Variants in MYO10 observed in about 807,000 individuals in gnomAD.
MYO10 encodes unconventional myosin-X.
MYO10 carries 133 observed loss-of-function variants against 257.3 expected under a neutral mutation model. The ratio of observed to expected loss-of-function variants is 0.52; its 90% confidence interval spans 0.45 to 0.60. The LOEUF is 0.60. MYO10 is among the 20% of genes least tolerant of loss of function. The pLI, the probability that MYO10 is intolerant of heterozygous loss-of-function variation, is 0.00. For missense variants in MYO10, 2,399 were observed against 2,635.7 expected, an observed-to-expected ratio of 0.91 and a Z score of 1.97; for synonymous variants, 1,104 against 1,028.6, an observed-to-expected ratio of 1.07 and a Z score of -1.40.
chr5:16,694,289 G>GGAACTTGCACAGCATGGCTCTATGACCA, intron 27 of MYO10, 82 bp downstream of exon 27: 5 of 1,582,024 alleles, frequency 3.2e-6, no homozygotes, highest in Admixed American at 1.7e-5. Context: ...GCCGCTGCAA[G>GGAACTTGCACAGCATGGCTCTATGACCA]GAACTTGCAC....
chr5:16,770,396 A>G (rs550471816), intron 9 of MYO10, among the ~76,000 whole-genome samples: 1 of 152,304 alleles, frequency 6.6e-6, no homozygotes, highest in East Asian at 1.9e-4. Flanking sequence ...AGTTAACATA[A>G]TGCTGTTTGA....
At chr5:16,728,646 G>A (rs897925394) in intron 19 of MYO10, among the ~76,000 whole-genome samples, 2 of 152,122 alleles carry the variant, frequency 1.3e-5, no homozygotes, top group African/African-American at 4.8e-5. Flanking sequence ...ATATCCAAGA[G>A]CCAGTGGGCA....
chr5:16,879,345 G>C (rs1196534423), intron 1 of MYO10, among the ~76,000 whole-genome samples: 1 of 152,148 alleles, frequency 6.6e-6, no homozygotes, highest in Non-Finnish European at 1.5e-5. Flanking sequence ...AGGTAGTACT[G>C]CTCTTTAAAC....
At chr5:16,768,511 A>AT (rs892366374) in intron 10 of MYO10, among the ~76,000 whole-genome samples, 1 of 151,910 alleles carries the variant, frequency 6.6e-6, no homozygotes, top group African/African-American at 2.4e-5. Context: ...TACTTGACTC[A>AT]TTTTCCTTCT....
intron 21 of MYO10, among the ~76,000 whole-genome samples, chr5:16,705,716 G>C (rs1022640124): frequency 1.3e-5 from 2 of 151,982 alleles, no homozygotes; most frequent in Non-Finnish European, 2.9e-5. Context: ...TCTGCTCTGT[G>C]TCCTCCATGA....
intron 1 of MYO10, among the ~76,000 whole-genome samples, chr5:16,893,694 T>C (rs558526923): frequency 5.9e-4 from 90 of 151,408 alleles, no homozygotes; most frequent in Non-Finnish European, 6.3e-4. Flanking sequence ...TTTTCATTTC[T>C]CTCCATATTA....
intron 9 of MYO10, among the ~76,000 whole-genome samples, chr5:16,779,074 C>T (rs552741223): frequency 1.3e-5 from 2 of 152,306 alleles, no homozygotes; most frequent in Admixed American, 1.3e-4. Context: ...TGTGACAAGA[C>T]CCCAGGTTTT....
At chr5:16,842,390 T>C (rs554801276) in intron 2 of MYO10, among the ~76,000 whole-genome samples, 51 of 152,224 alleles carry the variant, frequency 3.4e-4, no homozygotes, top group Non-Finnish European at 6.0e-4. Context: ...CTTTAGAAGA[T>C]GCTGCAATCA....
At chr5:16,895,802 ACT>A (rs1199210885) in intron 1 of MYO10, among the ~76,000 whole-genome samples, 4 of 126,404 alleles carry the variant, frequency 3.2e-5, no homozygotes, top group East Asian at 4.4e-4. Flanking sequence ...ACACACACAC[ACT>A]CTGCCACCTG....
At chr5:16,769,305 G>A in intron 9 of MYO10, 102 bp from the exon 10 acceptor site, 2 of 1,274,644 alleles carry the variant, frequency 1.6e-6, no homozygotes, top group Admixed American at 6.5e-5. Flanking sequence ...TATTGAAAAG[G>A]CAAAGAAACA....
At position 16,864,904 on chromosome 5, in the gene MYO10, T is replaced by C. The variant is rs562438829; in HGVS notation, c.120+12705A>G. ...GCTGGACAAGTTGCATTTTCCTTGG[T>C]CTTGAAAGCAAGAATGAAAGTCCCA... On this transcript the variant is annotated intron_variant, in intron 2 of 40. Transcript: ENST00000513610. 3.3e-5 allele frequency among the ~76,000 whole-genome samples: 5 copies of C among 152,270 alleles called. No individual in the cohort carries two copies. The South Asian group carries it at 1.0e-3, about 32-fold the overall frequency.
chr5:16,750,210 G>A (rs1389492574), intron 19 of MYO10, among the ~76,000 whole-genome samples: 1 of 152,138 alleles, frequency 6.6e-6, no homozygotes, highest in Admixed American at 6.5e-5. Flanking sequence ...GGCTTTTCTA[G>A]GTGCTTCCTC....
chr5:16,804,614 T>C (rs537453762), intron 3 of MYO10, among the ~76,000 whole-genome samples: 1 of 152,312 alleles, frequency 6.6e-6, no homozygotes, highest in Non-Finnish European at 1.5e-5. Flanking sequence ...GGCTCCGGCC[T>C]GTAATCCCAG....
At chr5:16,828,659 T>C (rs1043004535) in intron 2 of MYO10, among the ~76,000 whole-genome samples, 3 of 150,694 alleles carry the variant, frequency 2.0e-5, no homozygotes, top group Non-Finnish European at 4.4e-5. Context: ...CCAGTGACCC[T>C]TCAAAGGAGA....
At chr5:16,908,376 A>C (rs1159480356) in intron 1 of MYO10, among the ~76,000 whole-genome samples, 2 of 151,894 alleles carry the variant, frequency 1.3e-5, no homozygotes, top group African/African-American at 4.8e-5. Flanking sequence ...AAAAATACAA[A>C]AATTAGCTGG....
intron 21 of MYO10, among the ~76,000 whole-genome samples, chr5:16,709,055 G>A (rs1738474520): frequency 6.6e-6 from 1 of 152,148 alleles, no homozygotes; most frequent in African/African-American, 2.4e-5. Context: ...AGCTCTACAT[G>A]CTCTACTGGG....
chr5:16,931,711 G>A (rs981569651), intron 1 of MYO10, among the ~76,000 whole-genome samples: 1 of 152,218 alleles, frequency 6.6e-6, no homozygotes, highest in African/African-American at 2.4e-5. Flanking sequence ...TCTCCATTGT[G>A]AGAAAAGGGA....
At chr5:16,865,347 C>A (rs972815963) in intron 2 of MYO10, among the ~76,000 whole-genome samples, 1 of 152,126 alleles carries the variant, frequency 6.6e-6, no homozygotes, top group Admixed American at 6.5e-5. Context: ...CAGGGCTCAG[C>A]GGTCTGGCAT....
intron 1 of MYO10, among the ~76,000 whole-genome samples, chr5:16,915,100 G>C (rs537476610): frequency 1.3e-5 from 2 of 152,270 alleles, no homozygotes; most frequent in East Asian, 1.9e-4. Flanking sequence ...GAAGAGGTGA[G>C]AATAGATGAT....
Sources: gnomAD v4.1 joint callset for allele counts (sites outside exome capture counted in the v4.1 genomes callset) on GRCh38, gnomAD v4.1.1 for gene constraint, MANE v1.5 for transcripts, NCBI Gene and HGNC (gene_info 2026-07-23, HGNC 2026-07-21) for gene names.